The following CALHM4 variants were observed in gnomAD, a reference collection of about 807,000 sequenced individuals.
The protein encoded by CALHM4 is calcium homeostasis modulator protein 4.
Under a neutral mutation model 13.3 loss-of-function variants are expected in CALHM4, and 16 were observed. That is an observed-to-expected ratio of 1.20 (90% CI 0.81 to 1.82). The LOEUF is 1.82. Ranked by LOEUF, CALHM4 falls within the 40% of genes most tolerant of loss-of-function variation. The pLI, the probability that CALHM4 is intolerant of heterozygous loss-of-function variation, is 0.00. For synonymous variants in CALHM4, 127 were observed against 137.1 expected, an observed-to-expected ratio of 0.93 and a Z score of 0.52; for missense variants, 344 against 374.9, an observed-to-expected ratio of 0.92 and a Z score of 0.68.
chr6:116,550,182 C>T (rs62424367), upstream of CALHM4, among the ~76,000 whole-genome samples: 10,616 of 151,442 alleles, frequency 0.07, 440 homozygotes, highest in Admixed American at 0.14. Flanking sequence ...TAAGTTTTGC[C>T]TTCTATTAAT....
chr6:116,545,406 A>G (rs1773719370), intron 2 of CALHM4: 1 of 1,388,610 alleles, frequency 7.2e-7, no homozygotes, highest in South Asian at 1.3e-5. Flanking sequence ...TTTTAAAATC[A>G]ATCAGAAATC....
chr6:116,532,821 T>C (rs74826723), intron 1 of CALHM4, among the ~76,000 whole-genome samples: 2,313 of 152,344 alleles, frequency 0.015, 30 homozygotes, highest in Non-Finnish European at 0.023. Context: ...GCTTTCATAA[T>C]AAAGGTAGGT....
chr6:116,556,850 C>T (rs963319960), intron 1 of CALHM4, among the ~76,000 whole-genome samples: 10 of 151,060 alleles, frequency 6.6e-5, no homozygotes, highest in African/African-American at 2.4e-4. Flanking sequence ...GACTGGTCAG[C>T]AAATGATTAT....
At chr6:116,535,443 C>T (rs1470508544) in intron 1 of CALHM4, among the ~76,000 whole-genome samples, 1 of 152,202 alleles carries the variant, frequency 6.6e-6, no homozygotes, top group African/African-American at 2.4e-5. Context: ...TATTGTCAAG[C>T]CTAGCCTTTA....
At chr6:116,556,995 T>C (rs1355881562) in intron 1 of CALHM4, among the ~76,000 whole-genome samples, 2 of 150,132 alleles carry the variant, frequency 1.3e-5, no homozygotes, top group East Asian at 4.0e-4. Context: ...AGCATTATTA[T>C]GGCATGATCT....
rs1307122878 is a variant in CALHM4 at position 116,553,810 on chromosome 6, A to G, written c.17A>G (p.Asn6Ser). ...CTTCCCAAGATGTGCCCAACTCTCAACAATATTGTGTCTTCTCTGCAGAGA... is the reference window on the plus strand; with the variant it reads ...CTTCCCAAGATGTGCCCAACTCTCAGCAATATTGTGTCTTCTCTGCAGAGA... Reference protein sequence around the residue: MCPTLNNIVSSLQRNG... With the variant: MCPTLSNIVSSLQRNG... The change falls in exon 1 of 2, where the codon AAC becomes AGC. Residue 6 changes from asparagine to serine, a missense_variant. By Grantham distance (46) the Asn-to-Ser change is conservative. Coordinates refer to ENST00000368596, the MANE Select transcript of CALHM4 (RefSeq NM_001366078.2). 6.4e-7 allele frequency: 1 copy of G among 1,550,450 alleles called. No homozygotes were observed. Among genetic ancestry groups the G allele is most frequent in the Non-Finnish European group, 8.7e-7 (1 of 1,146,878 alleles).
Position 116,554,322 on chromosome 6 carries a change from A to G in CALHM4, c.529A>G (p.Ile177Val). 1 of 1,548,074 alleles carries G rather than the reference A, an allele frequency of 6.5e-7. No homozygotes were observed. Among genetic ancestry groups the G allele is most frequent in the Non-Finnish European group, 8.7e-7 (1 of 1,146,726 alleles). Residue 177 changes from isoleucine to valine, a missense_variant, in exon 1 of 2, where the codon ATA (isoleucine) becomes GTA (valine). Ile to Val is a conservative substitution (Grantham distance 29, BLOSUM62 3). Coordinates refer to ENST00000368596, the MANE Select transcript of CALHM4 (RefSeq NM_001366078.2). Reference sequence around the variant, plus strand: ...TGACGTGATCCTAGTAAGAGATGAAATAGCTCTTCTGCACAGATACCAGTC... The same window carrying G: ...TGACGTGATCCTAGTAAGAGATGAAGTAGCTCTTCTGCACAGATACCAGTC... ...PSDVILVRDE[I>V]ALLHRYQSQM... is the part of the protein sequence containing the mutation.
At chr6:116,541,383 C>G (rs1230843158) in intron 1 of CALHM4, among the ~76,000 whole-genome samples, 1 of 152,150 alleles carries the variant, frequency 6.6e-6, no homozygotes, top group East Asian at 1.9e-4. Context: ...TTCACAGCCA[C>G]ATCTACATAG....
In CALHM4 at chr6:116,543,278, A is replaced by G. The variant is rs551069814; in HGVS notation, c.-108-487A>G. The G allele has an allele frequency of 1.5e-5, 22 of 1,504,252 alleles. No individual in the cohort carries two copies. The Admixed American group carries it at 1.6e-4, about 11-fold the overall frequency. 93.2% of individuals were successfully genotyped at this position (1,504,252 alleles called of 1,614,324 possible). A position where few individuals can be genotyped will look rare whatever the true frequency, so the allele number is the denominator to read the frequency against. On this transcript the variant is annotated intron_variant, in intron 1 of 2. Coordinates refer to the CALHM4 transcript ENST00000368597. ...TGATGTAAGAAACAACAGCCATTCA[A>G]TAAGAATGAAGGACTTCCACTTACA... is the stretch of plus-strand genomic sequence containing the variant.
At chr6:116,541,536 G>A (rs1773460860) in intron 1 of CALHM4, among the ~76,000 whole-genome samples, 1 of 152,160 alleles carries the variant, frequency 6.6e-6, no homozygotes, top group Non-Finnish European at 1.5e-5. Flanking sequence ...TTTGATGTGA[G>A]AGTGCTTATG....
At chr6:116,551,018 C>G (rs920566957), upstream of CALHM4, among the ~76,000 whole-genome samples, 1 of 152,104 alleles carries the variant, frequency 6.6e-6, no homozygotes, top group Non-Finnish European at 1.5e-5. Flanking sequence ...ACCTCTGTGC[C>G]CCAAGGCCAA....
At position 116,557,781 on chromosome 6, in the gene CALHM4, A is replaced by T. The variant is rs764207121; in HGVS notation, c.559-44A>T. ...CCCATGGCTGTTGCTTGAATATTTG[A>T]TGCATTGATACTTCCTGTTTTTCTT... On this transcript the variant is annotated intron_variant, in intron 1 of 1. Transcript: ENST00000368596. The T allele has an allele frequency of 2.5e-6, 4 of 1,571,620 alleles. No homozygotes were observed. The South Asian group carries it at 3.5e-5, about 14-fold the overall frequency.
chr6:116,530,402 AAGACTT>A (rs1221350797), intron 1 of CALHM4, among the ~76,000 whole-genome samples: 1 of 152,210 alleles, frequency 6.6e-6, no homozygotes, highest in African/African-American at 2.4e-5. Flanking sequence ...AGGACTGAAA[AAGACTT>A]AGAAAAAAGA....
intron 1 of CALHM4, among the ~76,000 whole-genome samples, chr6:116,538,436 T>C (rs1288227596): frequency 1.3e-5 from 2 of 152,250 alleles, no homozygotes; most frequent in South Asian, 2.1e-4. Flanking sequence ...TTTCAACAGA[T>C]ATTTTTTGTT....
At chr6:116,553,746 TAATG>T, upstream of CALHM4, 1 of 1,503,480 alleles carries the variant, frequency 6.7e-7, no homozygotes, top group Non-Finnish European at 9.0e-7. Context: ...TGGTGGAGTC[TAATG>T]ATCAGAAAGG....
chr6:116,557,411 C>T (rs1009216020), intron 1 of CALHM4, among the ~76,000 whole-genome samples: 1 of 152,162 alleles, frequency 6.6e-6, no homozygotes, highest in Non-Finnish European at 1.5e-5. Flanking sequence ...TCATTTTCAT[C>T]ACCATCATTA....
intron 1 of CALHM4, among the ~76,000 whole-genome samples, chr6:116,534,932 A>C (rs1258467124): frequency 6.6e-6 from 1 of 152,200 alleles, no homozygotes; most frequent in Non-Finnish European, 1.5e-5. Flanking sequence ...CTGTGACAAC[A>C]AAGTAATGTG....
At chr6:116,537,324 C>CATCTGCTTTCCT (rs1773162103) in intron 1 of CALHM4, among the ~76,000 whole-genome samples, 1 of 152,166 alleles carries the variant, frequency 6.6e-6, no homozygotes, top group Non-Finnish European at 1.5e-5. Flanking sequence ...AGATGTTGTA[C>CATCTGCTTTCCT]ATTTTTCTAA....
intron 1 of CALHM4, chr6:116,543,311 T>C: frequency 6.5e-7 from 1 of 1,548,324 alleles, no homozygotes; most frequent in African/African-American, 1.4e-5. Flanking sequence ...ACATTTTATC[T>C]AAATATTGGT....
Sources: allele counts gnomAD v4.1 joint callset (sites outside exome capture counted in the v4.1 genomes callset), GRCh38; gene constraint gnomAD v4.1.1; transcripts MANE v1.5; gene names NCBI Gene and HGNC (gene_info 2026-07-23, HGNC 2026-07-21).